Variants in UPK3A observed in about 807,000 individuals in gnomAD.
The protein encoded by UPK3A is uroplakin 3A, also known as uroplakin-3a.
UPK3A carries 32 observed loss-of-function variants against 27.6 expected under a neutral mutation model. That is an observed-to-expected ratio of 1.16 (90% CI 0.87 to 1.55). The LOEUF is 1.55. Ranked by LOEUF, UPK3A falls within the 40% of genes most tolerant of loss-of-function variation. The pLI, the probability that UPK3A is intolerant of heterozygous loss-of-function variation, is 0.00. For synonymous variants in UPK3A, 171 were observed against 163.9 expected, an observed-to-expected ratio of 1.04 and a Z score of -0.33; for missense variants, 370 against 367.9, an observed-to-expected ratio of 1.01 and a Z score of -0.05.
At chr22:45,291,350 C>T (rs1284496656) in intron 4 of UPK3A, among the ~76,000 whole-genome samples, 1 of 133,192 alleles carries the variant, frequency 7.5e-6, no homozygotes, top group Non-Finnish European at 1.6e-5. Flanking sequence ...GAGAGTATGT[C>T]TGGTGTGTGT....
chr22:45,287,171 G>A lies in UPK3A; in HGVS notation c.209-1G>A. ...CCTGACTCCCTGCACCGCCTCTGCA[G>A]CCATTTCCAGGAATGCCTCAGTGCA... On this transcript the variant is annotated splice_acceptor_variant, in intron 2 of 5. Coordinates refer to ENST00000216211, the MANE Select transcript of UPK3A (RefSeq NM_006953.4). LOFTEE classifies it high-confidence loss of function. 1.2e-6 allele frequency: 2 copies of A among 1,614,044 alleles called. No homozygotes were observed. The highest frequency in any genetic ancestry group is 1.7e-6 in the Non-Finnish European group (2 of 1,180,038).
At position 45,287,261 on chromosome 22, in the gene UPK3A, T is replaced by C. The variant is rs1473095645; in HGVS notation, c.298T>C (p.Tyr100His). The C allele has an allele frequency of 6.2e-7, 1 of 1,614,204 alleles. No homozygotes were observed. The highest frequency in any genetic ancestry group is 2.2e-5 in the East Asian group (1 of 44,878). ...LQTEGGRTGP[Y>H]KAVAFDLIPC... The stretch of plus-strand genomic sequence containing the variant: ...AACAGAGGGTGGGAGGACAGGTCCC[T>C]ACAAAGCTGTGGCCTTTGACCTGAT... Residue 100 changes from tyrosine (Y) to histidine (H), a missense_variant, in exon 3 of 6, where the codon TAC becomes CAC. Coordinates refer to ENST00000216211, the MANE Select transcript of UPK3A (RefSeq NM_006953.4).
intron 4 of UPK3A, among the ~76,000 whole-genome samples, chr22:45,290,205 C>A (rs1269638074): frequency 6.6e-6 from 1 of 152,148 alleles, no homozygotes; most frequent in Non-Finnish European, 1.5e-5. Context: ...ATGACAGGGG[C>A]CACGCCAGGG....
At chr22:45,286,926 G>C (rs2084122076) in intron 2 of UPK3A, among the ~76,000 whole-genome samples, 1 of 152,182 alleles carries the variant, frequency 6.6e-6, no homozygotes, top group African/African-American at 2.4e-5. Flanking sequence ...CTGTTGGGAT[G>C]GGGGGTTGCA....
Position 45,292,664 on chromosome 22 carries a change from G to A in UPK3A, c.572-517G>A, listed in dbSNP as rs2084169550. ...CACACCTATAATCCCAACACATTGGGAGGCTGAGGTGGGAGGATTGCTTGA... is the reference window on the plus strand; with the variant it reads ...CACACCTATAATCCCAACACATTGGAAGGCTGAGGTGGGAGGATTGCTTGA... On this transcript the variant is annotated intron_variant, in intron 4 of 5. Transcript: ENST00000216211. Among the ~76,000 whole-genome samples, 7 of 152,208 alleles carry A rather than the reference G, an allele frequency of 4.6e-5. No homozygotes were observed. In the South Asian group the frequency reaches 1.4e-3, roughly 31 times the overall value.
Position 45,286,112 on chromosome 22 carries a change from C to A in UPK3A, c.208+16C>A, listed in dbSNP as rs2084116432. 5 of 1,613,842 alleles carry A rather than the reference C, an allele frequency of 3.1e-6. No homozygotes were observed. The East Asian group carries it at 8.9e-5, about 29-fold the overall frequency. On this transcript the variant is annotated intron_variant, in intron 2 of 5. Coordinates refer to ENST00000216211, the MANE Select transcript of UPK3A (RefSeq NM_006953.4). ...GTCGACTCAGGTAAGGGTCCTGCTT[C>A]CCTCTGGCTACTCCAAAAGGGGCTC...
Position 45,284,988 on chromosome 22 carries a change from C to G in UPK3A, c.-26C>G, listed in dbSNP as rs768663033. 221 of 1,528,936 alleles carry G rather than the reference C, an allele frequency of 1.4e-4. No individual in the cohort carries two copies. Among genetic ancestry groups the G allele is most frequent in the Middle Eastern group, 2.3e-4 (1 of 4,380 alleles). 94.7% of individuals were successfully genotyped at this position (1,528,936 alleles called of 1,614,324 possible). The stretch of plus-strand genomic sequence containing the variant: ...CGCCTGCTCGCTGGACCGCCCGCCC[C>G]GCGCTCTGGCGGCTCCTCCCGGGCG... On this transcript the variant is annotated 5_prime_UTR_variant, in exon 1 of 6. Coordinates refer to ENST00000216211, the MANE Select transcript of UPK3A (RefSeq NM_006953.4).
chr22:45,286,531 T>C lies in UPK3A; in HGVS notation c.208+435T>C, dbSNP rs1037251499. Among the ~76,000 whole-genome samples the C allele has an allele frequency of 8.5e-5, 13 of 152,094 alleles. 1 individual carries two copies. The highest frequency in any genetic ancestry group is 1.5e-5 in the Non-Finnish European group (1 of 68,012). ...GATTGGTGTTTCTGAGACAAAACCA[T>C]GCATTTGGACCTGCTGCTGTGGCCC... On this transcript the variant is annotated intron_variant, in intron 2 of 5. Transcript: ENST00000216211.
intron 4 of UPK3A, among the ~76,000 whole-genome samples, chr22:45,290,013 G>GAAAC (rs2084149046): frequency 6.6e-6 from 1 of 152,162 alleles, no homozygotes; most frequent in South Asian, 2.1e-4. Context: ...GCACCCTATG[G>GAAAC]CCAGGTAAGA....
At chr22:45,287,570 C>A in intron 3 of UPK3A, 119 bp downstream of exon 3, 2 of 1,343,342 alleles carry the variant, frequency 1.5e-6, no homozygotes, top group African/African-American at 1.4e-5. Flanking sequence ...GAGAACATCC[C>A]AGGTTCCAGG....
chr22:45,290,596 A>G lies in UPK3A; in HGVS notation c.571+1453A>G, dbSNP rs541863958. On this transcript the variant is annotated intron_variant, in intron 4 of 5. Coordinates refer to ENST00000216211, the MANE Select transcript of UPK3A (RefSeq NM_006953.4). ...GTGTGGTATGTGGTGTGTGGAGAGT[A>G]TGTGAGGAGTGTGGTGTGGATGAGT... 1.0e-3 allele frequency among the ~76,000 whole-genome samples: 155 copies of G among 151,584 alleles called. 2 individuals are homozygous for G. Among genetic ancestry groups the G allele is most frequent in the Non-Finnish European group, 3.0e-5 (2 of 67,780 alleles).
intron 3 of UPK3A, 132 bp from the exon 4 acceptor site, chr22:45,288,929 T>TA (rs145372129): frequency 0.027 from 22,447 of 831,346 alleles, 626 homozygotes; most frequent in East Asian, 0.1. Flanking sequence ...AGTAGCCGTC[T>TA]ACATTTCCGT....
chr22:45,287,516 G>A (rs1307888234), intron 3 of UPK3A, 65 bp downstream of exon 3: 7 of 1,542,480 alleles, frequency 4.5e-6, no homozygotes, highest in African/African-American at 1.4e-5. Context: ...AGGGAGAGCA[G>A]GGGCAAAGTA....
chr22:45,290,764 C>T (rs1288717815), intron 4 of UPK3A, among the ~76,000 whole-genome samples: 1 of 152,192 alleles, frequency 6.6e-6, no homozygotes, highest in Non-Finnish European at 1.5e-5. Flanking sequence ...CAGCCGCTCC[C>T]TGTAGCTCGC....
chr22:45,286,702 A>G lies in UPK3A; in HGVS notation c.209-470A>G, dbSNP rs143095662. 2.2e-3 allele frequency among the ~76,000 whole-genome samples: 337 copies of G among 152,322 alleles called. 2 individuals are homozygous for G. Among genetic ancestry groups the G allele is most frequent in the African/African-American group, 7.7e-3 (320 of 41,576 alleles). On this transcript the variant is annotated intron_variant, in intron 2 of 5. Transcript: ENST00000216211. ...AGCATGTGTTTATTGACTATAAACT[A>G]AAGTGCCTGATCTCCGGGCACTGTA...
At chr22:45,290,791 C>A (rs1026840673) in intron 4 of UPK3A, among the ~76,000 whole-genome samples, 1 of 152,090 alleles carries the variant, frequency 6.6e-6, no homozygotes, top group Admixed American at 6.5e-5. Context: ...GCCTGAGCTC[C>A]GCCTCCTGTC....
At chr22:45,291,702 AGT>A (rs1193046417) in intron 4 of UPK3A, among the ~76,000 whole-genome samples, 2 of 125,270 alleles carry the variant, frequency 1.6e-5, no homozygotes, top group African/African-American at 6.5e-5. Context: ...GGTGTGTGAG[AGT>A]GGCAGTGTGT....
intron 3 of UPK3A, among the ~76,000 whole-genome samples, chr22:45,288,200 CTT>C (rs71656956): frequency 1.4e-5 from 2 of 146,622 alleles, no homozygotes. Flanking sequence ...TCAACTTCTG[CTT>C]TTTTTTTTTT....
At chr22:45,294,206 G>A (rs777539967) in intron 5 of UPK3A, among the ~76,000 whole-genome samples, 4 of 152,164 alleles carry the variant, frequency 2.6e-5, no homozygotes, top group Non-Finnish European at 4.4e-5. Flanking sequence ...GACTGAGAGA[G>A]GTCCCAGTGT....
Sources: allele counts gnomAD v4.1 joint callset (sites outside exome capture counted in the v4.1 genomes callset), GRCh38; gene constraint gnomAD v4.1.1; transcripts MANE v1.5; gene names NCBI Gene and HGNC (gene_info 2026-07-23, HGNC 2026-07-21).